INO80: variants seen among roughly 807,000 people sequenced by gnomAD.
INO80 encodes INO80 complex ATPase subunit.
Under a neutral mutation model 203.4 loss-of-function variants are expected in INO80, and 20 were observed. The ratio of observed to expected loss-of-function variants is 0.10; its 90% CI spans 0.07 to 0.14. The LOEUF (loss-of-function observed/expected upper bound fraction) is 0.14. Among genes scored for constraint, INO80 ranks in the 10% least tolerant of loss-of-function variants. INO80 has a pLI of 1.00. For synonymous variants in INO80, 726 were observed against 685.2 expected, an observed-to-expected ratio of 1.06 and a Z score of -0.93; for missense variants, 1,419 against 1,914.4, an observed-to-expected ratio of 0.74 and a Z score of 4.83.
chr15:40,996,349 G>T (rs1332423034), intron 29 of INO80, among the ~76,000 whole-genome samples: 1 of 152,134 alleles, frequency 6.6e-6, no homozygotes, highest in African/African-American at 2.4e-5. Context: ...TTTTGAGACA[G>T]TCTCACTCTG....
chr15:41,044,814 G>A (rs539594141), intron 24 of INO80, 90 bp downstream of exon 24: 3 of 1,333,488 alleles, frequency 2.2e-6, no homozygotes, highest in Non-Finnish European at 2.0e-6. Context: ...GTTCTCTCAG[G>A]CCTTCATTTA....
At chr15:41,066,219 C>A (rs189432733) in intron 14 of INO80, among the ~76,000 whole-genome samples, 1 of 151,914 alleles carries the variant, frequency 6.6e-6, no homozygotes, top group African/African-American at 2.4e-5. Context: ...CTCAGGTGAC[C>A]CCCCTGCCTC....
At chr15:41,048,471 G>C (rs1453859279) in intron 21 of INO80, among the ~76,000 whole-genome samples, 195 bp from the exon 22 acceptor site, 3 of 152,162 alleles carry the variant, frequency 2.0e-5, no homozygotes, top group Admixed American at 6.5e-5. Context: ...GAAAGTGTAA[G>C]AAGATAATAC....
At chr15:41,039,975 T>C (rs145552850) in intron 24 of INO80, among the ~76,000 whole-genome samples, 1 of 152,308 alleles carries the variant, frequency 6.6e-6, no homozygotes, top group Non-Finnish European at 1.5e-5. Context: ...AATGTTGTTA[T>C]TACAGAGGAA....
At chr15:41,099,414 AT>A (rs2045774767) in intron 1 of INO80, among the ~76,000 whole-genome samples, 1 of 152,028 alleles carries the variant, frequency 6.6e-6, no homozygotes, top group Non-Finnish European at 1.5e-5. Flanking sequence ...TGAACTGTAT[AT>A]TTTATTTAAA....
intron 28 of INO80, among the ~76,000 whole-genome samples, chr15:41,000,314 TGG>T (rs1429232189): frequency 2.0e-4 from 31 of 151,898 alleles, no homozygotes; most frequent in Non-Finnish European, 1.8e-4. Context: ...CGTCAGGGAA[TGG>T]GTACAGGGTG....
At chr15:41,033,789 C>A (rs1301942672) in intron 24 of INO80, among the ~76,000 whole-genome samples, 1 of 152,206 alleles carries the variant, frequency 6.6e-6, no homozygotes, top group East Asian at 1.9e-4. Context: ...CAGTGGCTCA[C>A]GCCTGTAATC....
At chr15:41,028,022 C>T in intron 24 of INO80, 1 of 214,960 alleles carries the variant, frequency 4.7e-6, no homozygotes, top group Non-Finnish European at 9.3e-6. Flanking sequence ...AGCAAAACTT[C>T]ATTAGACAAA....
chr15:41,085,888 C>T (rs1274550953), intron 6 of INO80, among the ~76,000 whole-genome samples: 1 of 152,134 alleles, frequency 6.6e-6, no homozygotes, highest in East Asian at 1.9e-4. Context: ...GAGACGGAGC[C>T]TCGCCCTGTC....
At chr15:40,996,508 T>G (rs2043883637) in intron 29 of INO80, among the ~76,000 whole-genome samples, 1 of 151,204 alleles carries the variant, frequency 6.6e-6, no homozygotes, top group Non-Finnish European at 1.5e-5. Context: ...TTTTTTTTGG[T>G]AGAGACGTGG....
chr15:41,073,920 C>A (rs1007419600), intron 10 of INO80, among the ~76,000 whole-genome samples: 6 of 152,176 alleles, frequency 3.9e-5, no homozygotes, highest in Non-Finnish European at 2.9e-5. Flanking sequence ...TCAACACAAT[C>A]TTAATCAGCA....
intron 9 of INO80, among the ~76,000 whole-genome samples, chr15:41,074,961 T>A (rs1018286782): frequency 6.6e-6 from 1 of 151,996 alleles, no homozygotes; most frequent in African/African-American, 2.4e-5. Flanking sequence ...GCCAGGCTGG[T>A]CTCGAACTGA....
chr15:41,077,471 T>C (rs1056881677), intron 9 of INO80, among the ~76,000 whole-genome samples: 4 of 151,618 alleles, frequency 2.6e-5, no homozygotes, highest in African/African-American at 9.7e-5. Context: ...AGATCCAAAA[T>C]AGAAGAAAAC....
In INO80 at chr15:41,032,038, C is replaced by G. The variant is rs12909415; in HGVS notation, c.2908-4302G>C. Among the ~76,000 whole-genome samples the G allele has an allele frequency of 2.2e-3, 173 of 77,232 alleles. 3 individuals are homozygous for G. The highest frequency in any genetic ancestry group is 6.9e-3 in the Middle Eastern group (1 of 144). 50.7% of individuals were successfully genotyped at this position (77,232 alleles called of 152,430 possible). On this transcript the variant is annotated intron_variant, in intron 24 of 35. Transcript: ENST00000648947. ...CACAGCACAGCACAGCACAGCACAG[C>G]ACAGCACAGCACAGCACAGCACAGG...
At chr15:41,097,617 C>T (rs2045745039) in intron 1 of INO80, among the ~76,000 whole-genome samples, 1 of 151,194 alleles carries the variant, frequency 6.6e-6, no homozygotes, top group Non-Finnish European at 1.5e-5. Flanking sequence ...GGATTACAGG[C>T]GTCCACCACC....
At chr15:41,022,089 G>C (rs994673236) in intron 25 of INO80, among the ~76,000 whole-genome samples, 3 of 152,226 alleles carry the variant, frequency 2.0e-5, no homozygotes, top group African/African-American at 4.8e-5. Context: ...AAAACTTTGA[G>C]TGCCTACATG....
intron 27 of INO80, among the ~76,000 whole-genome samples, chr15:41,009,242 T>A (rs148560393): frequency 0.027 from 4,130 of 151,744 alleles, 221 homozygotes; most frequent in African/African-American, 0.095. Flanking sequence ...TTTTTTTTTT[T>A]TTATTATACT....
At position 41,049,961 on chromosome 15, in the gene INO80, T is replaced by A. The variant is rs768707406; in HGVS notation, c.2416A>T (p.Met806Leu). Residue 806 changes from methionine (M) to leucine (L), a missense_variant, in exon 20 of 36, where the codon ATG (methionine) becomes TTG (leucine). Physicochemically the swap from Met to Leu is conservative, Grantham distance 15. This residue lies in a region of INO80 where 192 missense variants were observed against 406.7 expected (regional missense o/e 0.47). Coordinates refer to ENST00000648947, the MANE Select transcript of INO80 (RefSeq NM_017553.3). ...QQAQNTTSSL[M>L]NLVMQFRKVC... ...TTCCTAAACTGCATGACCAGATTCA[T>A]GAGGCTGCTGGTGGTGTTCTGTGCT... The A allele has an allele frequency of 5.6e-6, 9 of 1,612,862 alleles. No homozygotes were observed. The highest frequency in any genetic ancestry group is 2.2e-5 in the East Asian group (1 of 44,886).
Position 41,069,652 on chromosome 15 carries a change from C to G in INO80, c.1700G>C (p.Trp567Ser). Reference sequence around the variant, plus strand: ...AGGTGAAATTATTAAGAAAGGTCCCCAAATGTTCTCTCTCTGCAACAGAAA... The same window carrying G: ...AGGTGAAATTATTAAGAAAGGTCCCGAAATGTTCTCTCTCTGCAACAGAAA... ...LAHLAERENIWGPFLIISPAS... is the reference protein window; with the variant it reads ...LAHLAERENISGPFLIISPAS... The change falls in exon 14 of 36, where the codon TGG becomes TCG. Residue 567 changes from tryptophan to serine, a missense_variant. Coordinates refer to ENST00000648947, the MANE Select transcript of INO80 (RefSeq NM_017553.3). The G allele has an allele frequency of 6.2e-7, 1 of 1,605,314 alleles. No individual in the cohort carries two copies. The highest frequency in any genetic ancestry group is 8.5e-7 in the Non-Finnish European group (1 of 1,174,366).
Sources: gnomAD v4.1 joint callset for allele counts (sites outside exome capture counted in the v4.1 genomes callset) on GRCh38, gnomAD v4.1.1 for gene constraint, gnomAD v4.1.1 regional missense constraint, MANE v1.5 for transcripts, NCBI Gene and HGNC (gene_info 2026-07-23, HGNC 2026-07-21) for gene names.